The following LGI2 variants were observed in gnomAD, a reference collection of about 807,000 sequenced individuals.
LGI2 encodes the protein leucine-rich repeat LGI family member 2.
Under a neutral mutation model 52.0 loss-of-function variants are expected in LGI2, and 30 were observed. The ratio of observed to expected loss-of-function variants is 0.58; its 90% CI spans 0.43 to 0.78. The LOEUF (loss-of-function observed/expected upper bound fraction) is 0.78, where lower values mean the gene tolerates loss of function less well. LGI2 is among the 30% of genes least tolerant of loss of function. The pLI is 0.00. For synonymous variants in LGI2, 270 were observed against 271.8 expected, an observed-to-expected ratio of 0.99 and a Z score of 0.06; for missense variants, 573 against 692.5, an observed-to-expected ratio of 0.83 and a Z score of 1.94.
intron 4 of LGI2, among the ~76,000 whole-genome samples, chr4:25,021,124 G>GC (rs1725944892): frequency 2.0e-5 from 3 of 148,686 alleles, no homozygotes; most frequent in African/African-American, 7.6e-5. Context: ...AAAAAAAGCA[G>GC]AGAGTTTAGC....
rs1163618936 is a variant in LGI2 at position 25,003,491 on chromosome 4, GT to G, written c.1597del (p.Thr533GlnfsTer7). ...FFFASSFKGKTKIFEHIIVDL... is the reference protein window; with the variant it reads ...FFFASSFKGKXKIFEHIIVDL... Reference sequence around the variant, plus strand: ...AACAATTATATGTTCAAAAATCTTTGTTTTCCCTTTGAAACTGGATGCAAAA... The same window carrying G: ...AACAATTATATGTTCAAAAATCTTTGTTTCCCTTTGAAACTGGATGCAAAA... On this transcript the variant is annotated frameshift_variant, in exon 8 of 8. Transcript: ENST00000382114. LOFTEE classifies it high-confidence loss of function. 3 of 1,601,108 alleles carry G rather than the reference GT, an allele frequency of 1.9e-6. No homozygotes were observed. The highest frequency in any genetic ancestry group is 1.8e-5 in the Admixed American group (1 of 55,968).
chr4:24,993,049 T>C, the LGI2 span, among the ~76,000 whole-genome samples: 1 of 152,172 alleles, frequency 6.6e-6, no homozygotes, highest in Non-Finnish European at 1.5e-5. Context: ...GTTCCTTAAC[T>C]TCTCTGTGCC....
intron 4 of LGI2, among the ~76,000 whole-genome samples, chr4:25,021,660 G>A (rs916937186): frequency 2.6e-5 from 4 of 152,064 alleles, no homozygotes; most frequent in Non-Finnish European, 5.9e-5. Flanking sequence ...GGCCGGGCGC[G>A]GTGGCTCACA....
intron 4 of LGI2, among the ~76,000 whole-genome samples, chr4:25,021,560 G>A (rs957101966): frequency 6.6e-6 from 1 of 152,116 alleles, no homozygotes; most frequent in African/African-American, 2.4e-5. Flanking sequence ...GGGGAGGGAG[G>A]TGAATTGATT....
rs1028216555 is a variant in LGI2, at chr4:25,030,883, G to GC, written c.-191dup. ...ATGCTGGCCGCCACCCCCACTCGGC[G>GC]CCCCCCCACCCGAGCCCGGGCTGCT... is the stretch of plus-strand genomic sequence containing the variant. On this transcript the variant is annotated 5_prime_UTR_variant, in exon 1 of 8. Coordinates refer to ENST00000382114, the MANE Select transcript of LGI2 (RefSeq NM_018176.4). 1.7e-4 allele frequency: 30 copies of GC among 180,872 alleles called. No homozygotes were observed. Among genetic ancestry groups the GC allele is most frequent in the Non-Finnish European group, 2.6e-4 (24 of 93,718 alleles). 11.2% of individuals were successfully genotyped at this position (180,872 alleles called of 1,614,324 possible).
intron 1 of LGI2, 113 bp from the exon 2 acceptor site, chr4:25,028,691 T>C: frequency 1.2e-6 from 1 of 838,628 alleles, no homozygotes; most frequent in African/African-American, 1.7e-5. Context: ...CTCTCAGGAG[T>C]GAGGCATAGC....
chr4:24,996,559 C>A (rs1725088823), downstream of LGI2, among the ~76,000 whole-genome samples: 1 of 152,156 alleles, frequency 6.6e-6, no homozygotes, highest in South Asian at 2.1e-4. Context: ...GAGAGTTGAG[C>A]TGGGGCCCGG....
At chr4:25,010,396 G>GGGTTTC (rs1725541215) in intron 7 of LGI2, among the ~76,000 whole-genome samples, 1 of 152,200 alleles carries the variant, frequency 6.6e-6, no homozygotes, top group African/African-American at 2.4e-5. Flanking sequence ...TGAATAAACA[G>GGGTTTC]TGGGTGACTG....
intron 5 of LGI2, 98 bp downstream of exon 5, chr4:25,019,069 A>G: frequency 2.6e-6 from 2 of 783,946 alleles, no homozygotes; most frequent in South Asian, 2.9e-5. Context: ...TAACCACAGC[A>G]TAAAAGAAAT....
chr4:25,008,002 C>G (rs1354817082), intron 7 of LGI2, among the ~76,000 whole-genome samples: 2 of 152,182 alleles, frequency 1.3e-5, no homozygotes, highest in African/African-American at 4.8e-5. Context: ...GGGCAGTGTC[C>G]TTGCCTACCC....
chr4:24,994,004 A>G (rs1724977604), downstream of LGI2, among the ~76,000 whole-genome samples: 2 of 152,212 alleles, frequency 1.3e-5, no homozygotes, highest in African/African-American at 4.8e-5. Context: ...ATGTTAATGA[A>G]AGAAATGTAA....
Position 25,003,664 on chromosome 4 carries a change from A to G in LGI2, c.1425T>C (p.Asn475=). 1 of 1,614,186 alleles carries G rather than the reference A, an allele frequency of 6.2e-7. No individual in the cohort carries two copies. Among genetic ancestry groups the G allele is most frequent in the Non-Finnish European group, 8.5e-7 (1 of 1,180,038 alleles). ...MTLQPFSFKD[N]HYLALGSDYT... Reference sequence around the variant, plus strand: ...AGTCACTCCCCAGGGCCAGGTAGTGATTATCTTTAAAAGAAAAGGGCTGCA... The same window carrying G: ...AGTCACTCCCCAGGGCCAGGTAGTGGTTATCTTTAAAAGAAAAGGGCTGCA... The change falls in exon 8 of 8, where the codon AAT becomes AAC. Residue 475 remains asparagine, a synonymous_variant. Transcript: ENST00000382114.
At chr4:25,025,453 C>G (rs1560295065) in intron 3 of LGI2, among the ~76,000 whole-genome samples, 1 of 152,212 alleles carries the variant, frequency 6.6e-6, no homozygotes, top group African/African-American at 2.4e-5. Context: ...AGGAAAAGCT[C>G]AAGCTCTCTA....
intron 6 of LGI2, among the ~76,000 whole-genome samples, chr4:25,015,762 T>G (rs1725737412): frequency 6.6e-6 from 1 of 152,124 alleles, no homozygotes; most frequent in Admixed American, 6.5e-5. Context: ...GGCTAAGGTT[T>G]GATCTGAACA....
At position 25,030,783 on chromosome 4, in the gene LGI2, G is replaced by T; in HGVS notation, c.-90C>A. ...GCCGCTGCAGACGCGGGCGCCGCTC[G>T]CTGCTCTGCCGCCGCCGCTGCTGGC... On this transcript the variant is annotated 5_prime_UTR_variant, in exon 1 of 8. Coordinates refer to ENST00000382114, the MANE Select transcript of LGI2 (RefSeq NM_018176.4). 1 of 712,720 alleles carries T rather than the reference G, an allele frequency of 1.4e-6. No individual in the cohort carries two copies. The highest frequency in any genetic ancestry group is 1.7e-6 in the Non-Finnish European group (1 of 574,394). The allele number at this position is 712,720 out of a possible 1,614,324, so 44.1% of individuals were successfully genotyped here.
In LGI2 at chr4:25,011,046, C is replaced by G. The variant is rs568748961; in HGVS notation, c.820+1289G>C. On this transcript the variant is annotated intron_variant, in intron 7 of 7. Transcript: ENST00000382114. Reference sequence around the variant, plus strand: ...GCAATGAGGCAAGATTACATCACTGCACTCCAGCCTGGGTGACAGAGTAAG... The same window carrying G: ...GCAATGAGGCAAGATTACATCACTGGACTCCAGCCTGGGTGACAGAGTAAG... 1.3e-3 allele frequency among the ~76,000 whole-genome samples: 199 copies of G among 150,630 alleles called. 1 individual carries two copies. The highest frequency in any genetic ancestry group is 6.7e-3 in the South Asian group (32 of 4,742).
intron 2 of LGI2, among the ~76,000 whole-genome samples, chr4:25,027,525 T>C (rs999042692): frequency 1.3e-5 from 2 of 152,206 alleles, no homozygotes; most frequent in Admixed American, 1.3e-4. Flanking sequence ...ATATGAAAAG[T>C]ATATTTTAAT....
At chr4:25,007,177 C>A (rs2109406390) in intron 7 of LGI2, among the ~76,000 whole-genome samples, 1 of 152,262 alleles carries the variant, frequency 6.6e-6, no homozygotes, top group African/African-American at 2.4e-5. Flanking sequence ...TTAATTAATG[C>A]TCTACTGTTG....
intron 6 of LGI2, among the ~76,000 whole-genome samples, chr4:25,015,832 A>G (rs1725740003): frequency 1.3e-5 from 2 of 152,110 alleles, no homozygotes; most frequent in Admixed American, 1.3e-4. Flanking sequence ...AGCGGGGCCT[A>G]TGTTTGGGGG....
Sources: allele counts gnomAD v4.1 joint callset (sites outside exome capture counted in the v4.1 genomes callset), GRCh38; gene constraint gnomAD v4.1.1; transcripts MANE v1.5; gene names NCBI Gene and HGNC (gene_info 2026-07-23, HGNC 2026-07-21).